The following EYS variants were observed in gnomAD, a reference collection of about 807,000 sequenced individuals.
EYS encodes the protein protein eyes shut homolog.
A neutral mutation model predicts 282.1 loss-of-function variants in EYS; 250 were observed. That is an observed-to-expected ratio of 0.89 (90% confidence interval 0.80 to 0.98). The LOEUF is 0.98. Ranked by LOEUF, EYS falls within the 50% of genes least tolerant of loss-of-function variation. EYS has a pLI of 0.00. For missense variants in EYS, 4,016 were observed against 3,709.0 expected (o/e 1.08, Z -2.15); for synonymous variants, 1,355 against 1,282.9 (o/e 1.06, Z -1.20).
intron 31 of EYS, among the ~76,000 whole-genome samples, chr6:64,083,334 C>G (rs1582243593): frequency 1.3e-5 from 2 of 152,280 alleles, no homozygotes; most frequent in East Asian, 1.9e-4. Context: ...AATATCCAGT[C>G]TAAGAAATTT....
chr6:65,516,417 A>G (rs1000702579), intron 2 of EYS, among the ~76,000 whole-genome samples: 2 of 152,112 alleles, frequency 1.3e-5, no homozygotes, highest in African/African-American at 4.8e-5. Context: ...TGTGAGTTTA[A>G]TAATGAAGGG....
intron 12 of EYS, among the ~76,000 whole-genome samples, chr6:65,288,299 C>CA (rs34098691): frequency 1.3e-5 from 2 of 150,514 alleles, no homozygotes; most frequent in South Asian, 2.1e-4. Flanking sequence ...GAAGTTCTGA[C>CA]AAAAAATATG....
intron 28 of EYS, among the ~76,000 whole-genome samples, chr6:64,397,433 T>G (rs1388068437): frequency 6.6e-6 from 1 of 152,066 alleles, no homozygotes; most frequent in Non-Finnish European, 1.5e-5. Flanking sequence ...AAATTTTCTT[T>G]GTGTTTTCTT....
intron 36 of EYS, among the ~76,000 whole-genome samples, chr6:63,850,860 A>C (rs563499979): frequency 1.4e-4 from 22 of 152,368 alleles, no homozygotes; most frequent in African/African-American, 4.6e-4. Context: ...AAATGCCCCA[A>C]TTAAAAGACA....
chr6:64,674,677 C>G (rs558062540), intron 22 of EYS, among the ~76,000 whole-genome samples: 1 of 151,812 alleles, frequency 6.6e-6, no homozygotes, highest in Non-Finnish European at 1.5e-5. Flanking sequence ...ATAGAAACCT[C>G]TTAAAACTAT....
intron 35 of EYS, among the ~76,000 whole-genome samples, chr6:63,905,732 C>T (rs1032458447): frequency 9.2e-5 from 14 of 152,198 alleles, no homozygotes; most frequent in Non-Finnish European, 1.9e-4. Flanking sequence ...ACCCAGTGGA[C>T]TAGAATTTGC....
intron 2 of EYS, among the ~76,000 whole-genome samples, chr6:65,600,314 G>GC (rs1562280824): frequency 1.3e-5 from 2 of 151,938 alleles, no homozygotes; most frequent in Non-Finnish European, 2.9e-5. Context: ...TGAGCCCCTA[G>GC]TGATTCAAGT....
chr6:65,345,198 G>A (rs1322138514), intron 9 of EYS, among the ~76,000 whole-genome samples: 2 of 151,726 alleles, frequency 1.3e-5, no homozygotes, highest in Non-Finnish European at 2.9e-5. Flanking sequence ...TCAATCATAT[G>A]TATGTAATTT....
chr6:65,115,698 C>T (rs1328619401), intron 12 of EYS, among the ~76,000 whole-genome samples: 3 of 152,178 alleles, frequency 2.0e-5, no homozygotes, highest in Non-Finnish European at 2.9e-5. Context: ...AGCCATTAAA[C>T]TCAAAACAGA....
chr6:64,445,725 C>T (rs975127833), intron 26 of EYS, among the ~76,000 whole-genome samples: 1 of 152,112 alleles, frequency 6.6e-6, no homozygotes. Flanking sequence ...GCTAGTCACT[C>T]CGTTTCCAAA....
chr6:65,030,253 C>T (rs1454502389), intron 13 of EYS, among the ~76,000 whole-genome samples: 2 of 152,144 alleles, frequency 1.3e-5, no homozygotes, highest in Non-Finnish European at 1.5e-5. Flanking sequence ...TTGGCTGATG[C>T]TGCTTGCAGC....
intron 2 of EYS, among the ~76,000 whole-genome samples, chr6:65,559,492 C>T (rs1316486966): frequency 6.6e-6 from 1 of 152,168 alleles, no homozygotes; most frequent in Non-Finnish European, 1.5e-5. Flanking sequence ...ATGATTGCCA[C>T]ATATTCACTC....
intron 32 of EYS, among the ~76,000 whole-genome samples, chr6:64,071,551 A>T (rs1051688901): frequency 2.0e-5 from 3 of 151,384 alleles, no homozygotes; most frequent in Non-Finnish European, 4.4e-5. Flanking sequence ...ACATTTTTTT[A>T]TTACTATTAT....
At chr6:65,614,708 A>G (rs1193178630) in intron 2 of EYS, among the ~76,000 whole-genome samples, 1 of 151,538 alleles carries the variant, frequency 6.6e-6, no homozygotes, top group Non-Finnish European at 1.5e-5. Flanking sequence ...ATTACAGCAA[A>G]TAAATGACAG....
intron 19 of EYS, among the ~76,000 whole-genome samples, chr6:64,883,926 T>G (rs983957758): frequency 6.6e-6 from 1 of 151,572 alleles, no homozygotes; most frequent in Non-Finnish European, 1.5e-5. Flanking sequence ...ACTTTGTAAA[T>G]GTTTATTATC....
chr6:64,694,180 G>C (rs1367979569), intron 22 of EYS, among the ~76,000 whole-genome samples: 1 of 152,108 alleles, frequency 6.6e-6, no homozygotes, highest in Non-Finnish European at 1.5e-5. Flanking sequence ...TGGTGGAATA[G>C]AGGCTTTGCC....
At chr6:63,783,594 G>T (rs1770290748) in intron 39 of EYS, among the ~76,000 whole-genome samples, 1 of 152,086 alleles carries the variant, frequency 6.6e-6, no homozygotes, top group Non-Finnish European at 1.5e-5. Flanking sequence ...AATTATATTA[G>T]GTATGAAATG....
intron 34 of EYS, among the ~76,000 whole-genome samples, chr6:63,989,742 T>C (rs1368698217): frequency 6.6e-6 from 1 of 151,470 alleles, no homozygotes; most frequent in Admixed American, 6.6e-5. Context: ...TGCCTTAGAA[T>C]CTCGATATTT....
intron 40 of EYS, among the ~76,000 whole-genome samples, chr6:63,764,939 A>C (rs933992327): frequency 2.6e-5 from 4 of 152,010 alleles, no homozygotes; most frequent in Admixed American, 6.6e-5. Flanking sequence ...ATAATAAAAA[A>C]ATTTCAAGCC....
Sources: allele counts gnomAD v4.1 joint callset (sites outside exome capture counted in the v4.1 genomes callset), GRCh38; gene constraint gnomAD v4.1.1; transcripts MANE v1.5; gene names NCBI Gene and HGNC (gene_info 2026-07-23, HGNC 2026-07-21).